Variants in TSGA10 observed in about 807,000 individuals in gnomAD.
TSGA10 encodes the protein testis-specific gene 10 protein.
A neutral mutation model predicts 96.6 loss-of-function variants in TSGA10; 43 were observed. That is an observed-to-expected ratio of 0.44 (90% CI 0.35 to 0.57). The LOEUF (loss-of-function observed/expected upper bound fraction) is 0.57, where lower values mean the gene tolerates loss of function less well. Ranked by LOEUF, TSGA10 falls within the 20% of genes least tolerant of loss-of-function variation. The probability of loss-of-function intolerance (pLI) is 0.01; values close to 1 mark genes in which losing one functional copy is unlikely to be tolerated. For synonymous variants in TSGA10, 229 were observed against 269.9 expected, an observed-to-expected ratio of 0.85 and a Z score of 1.48; for missense variants, 703 against 834.4, an observed-to-expected ratio of 0.84 and a Z score of 1.94.
chr2:99,138,027 T>C (rs2093397403), intron 1 of TSGA10, among the ~76,000 whole-genome samples: 1 of 152,198 alleles, frequency 6.6e-6, no homozygotes, highest in Admixed American at 6.5e-5. Flanking sequence ...ACATTGATTC[T>C]GCTGGCAACT....
At chr2:99,039,952 AG>A (rs2082033821) in intron 16 of TSGA10, among the ~76,000 whole-genome samples, 1 of 152,218 alleles carries the variant, frequency 6.6e-6, no homozygotes, top group African/African-American at 2.4e-5. Flanking sequence ...TCAGGGATGC[AG>A]GGATGGTTTA....
intron 16 of TSGA10, among the ~76,000 whole-genome samples, chr2:99,047,287 A>C (rs546441674): frequency 6.6e-6 from 1 of 152,284 alleles, no homozygotes; most frequent in South Asian, 2.1e-4. Flanking sequence ...ATAATTTTAG[A>C]CCAATATCCC....
At chr2:99,039,858 G>A (rs542853407) in intron 16 of TSGA10, among the ~76,000 whole-genome samples, 1 of 152,072 alleles carries the variant, frequency 6.6e-6, no homozygotes, top group Non-Finnish European at 1.5e-5. Context: ...GAACATAGCT[G>A]CAAAAATCCT....
At chr2:99,086,957 C>A (rs2088514468) in intron 10 of TSGA10, among the ~76,000 whole-genome samples, 1 of 151,872 alleles carries the variant, frequency 6.6e-6, no homozygotes, top group Non-Finnish European at 1.5e-5. Flanking sequence ...GTAATCCCAG[C>A]ACTTTGGGAG....
At chr2:99,020,572 G>A in intron 17 of TSGA10, 90 bp from the exon 18 acceptor site, 2 of 942,414 alleles carry the variant, frequency 2.1e-6, no homozygotes, top group South Asian at 3.3e-5. Flanking sequence ...TTCATAATCT[G>A]TTATAAACTG....
At chr2:99,083,523 A>T (rs2087810391) in intron 10 of TSGA10, among the ~76,000 whole-genome samples, 1 of 152,198 alleles carries the variant, frequency 6.6e-6, no homozygotes, top group African/African-American at 2.4e-5. Flanking sequence ...ATTATATTAA[A>T]TGCATATGGT....
At chr2:99,051,072 A>C (rs1240373968) in intron 16 of TSGA10, among the ~76,000 whole-genome samples, 1 of 152,196 alleles carries the variant, frequency 6.6e-6, no homozygotes, top group Non-Finnish European at 1.5e-5. Context: ...AGTACACTCT[A>C]TGATGTTCAC....
At chr2:99,022,478 CCTTT>C (rs1299748388) in intron 17 of TSGA10, among the ~76,000 whole-genome samples, 1 of 152,060 alleles carries the variant, frequency 6.6e-6, no homozygotes, top group African/African-American at 2.4e-5. Context: ...TGACTGGCTT[CCTTT>C]ATTAGCACAA....
intron 14 of TSGA10, among the ~76,000 whole-genome samples, chr2:99,071,311 A>G (rs1317703376): frequency 6.6e-6 from 1 of 152,144 alleles, no homozygotes; most frequent in Non-Finnish European, 1.5e-5. Context: ...TCACAGTGCT[A>G]ATGAGAACCA....
At position 99,152,516 on chromosome 2, in the gene TSGA10, C is replaced by T. The variant is rs538534394; in HGVS notation, c.-621+2177G>A. Among the ~76,000 whole-genome samples the T allele has an allele frequency of 2.0e-5, 3 of 152,306 alleles. No homozygotes were observed. In the East Asian group the frequency reaches 5.8e-4, roughly 29 times the overall value. On this transcript the variant is annotated intron_variant, in intron 1 of 20. Transcript: ENST00000393483. The stretch of plus-strand genomic sequence containing the variant: ...CCCAGACTGGTCTCAAACTCCTGGC[C>T]TCAGGTGATCCTCCCACTGGGCCAT...
intron 4 of TSGA10, among the ~76,000 whole-genome samples, chr2:99,113,611 T>C (rs1261173243): frequency 6.6e-6 from 1 of 152,212 alleles, no homozygotes; most frequent in Non-Finnish European, 1.5e-5. Context: ...AGTGGCGTGA[T>C]CTCGGCTCAC....
intron 16 of TSGA10, among the ~76,000 whole-genome samples, chr2:99,058,938 G>A (rs925503601): frequency 2.0e-5 from 3 of 151,140 alleles, no homozygotes; most frequent in Admixed American, 1.3e-4. Flanking sequence ...TCAGGAGGCT[G>A]AGGCAGGAGA....
At chr2:99,131,891 T>C (rs976865984) in intron 1 of TSGA10, among the ~76,000 whole-genome samples, 1 of 152,178 alleles carries the variant, frequency 6.6e-6, no homozygotes, top group Non-Finnish European at 1.5e-5. Flanking sequence ...GTGGTTTTTG[T>C]CATTGGTTCT....
chr2:99,134,923 G>A (rs570146360), intron 1 of TSGA10, among the ~76,000 whole-genome samples: 21 of 152,334 alleles, frequency 1.4e-4, no homozygotes, highest in African/African-American at 4.8e-4. Flanking sequence ...AACAGCAGAA[G>A]CTGCAGAACA....
intron 12 of TSGA10, among the ~76,000 whole-genome samples, chr2:99,074,000 C>CTTTTTTTTT (rs1167854716): frequency 0.011 from 561 of 52,602 alleles, 137 homozygotes; most frequent in African/African-American, 0.017. Context: ...TGTTTCTTTT[C>CTTTTTTTTT]TTTTTTTTTT....
rs1248736205 is a variant in TSGA10, at chr2:99,141,128, C to T, written c.-621+13565G>A. 2.3e-6 allele frequency: 3 copies of T among 1,280,728 alleles called. No homozygotes were observed. The Admixed American group carries it at 7.1e-5, about 30-fold the overall frequency. The allele number at this position is 1,280,728 out of a possible 1,614,324, so 79.3% of individuals were successfully genotyped here. A position where few individuals can be genotyped will look rare whatever the true frequency, so the allele number is the denominator to read the frequency against. ...CCGGGCTCCTCGGCCCGCCGTCCTG[C>T]CCAGAGCTCATCCCCGCGACTGTCA... On this transcript the variant is annotated intron_variant, in intron 1 of 20. Coordinates refer to ENST00000393483, the MANE Select transcript of TSGA10 (RefSeq NM_025244.4).
chr2:99,015,010 T>TA, intron 20 of TSGA10, among the ~76,000 whole-genome samples: 1 of 151,730 alleles, frequency 6.6e-6, no homozygotes, highest in Admixed American at 6.6e-5. Flanking sequence ...AAATTGCCAA[T>TA]AAAAAAAGTC....
At position 99,060,567 on chromosome 2, in the gene TSGA10, G is replaced by A. The variant is rs1300951974; in HGVS notation, c.1404+4372C>T. On this transcript the variant is annotated intron_variant, in intron 16 of 20. Transcript: ENST00000393483. ...ATAATGCTAATCAAACCCCAAGTAG[G>A]TTTTTTTTCTGTAGAAAATGATATG... 2.6e-5 allele frequency among the ~76,000 whole-genome samples: 4 copies of A among 151,824 alleles called. No homozygotes were observed. In the East Asian group the frequency reaches 7.7e-4, roughly 29 times the overall value.
chr2:99,008,195 A>C (rs1248880804), intron 20 of TSGA10, among the ~76,000 whole-genome samples: 1 of 152,222 alleles, frequency 6.6e-6, no homozygotes. Context: ...AAAAGCTTTA[A>C]AATCTGACTA....
Sources: allele counts gnomAD v4.1 joint callset (sites outside exome capture counted in the v4.1 genomes callset), GRCh38; gene constraint gnomAD v4.1.1; transcripts MANE v1.5; gene names NCBI Gene and HGNC (gene_info 2026-07-23, HGNC 2026-07-21).